Variants in CNTN5 observed in about 807,000 individuals in gnomAD.
CNTN5 encodes contactin-5.
In CNTN5, 77 loss-of-function variants were observed where a neutral mutation model predicts 129.1. That is an observed-to-expected ratio of 0.60 (90% CI 0.50 to 0.72). CNTN5 has a LOEUF of 0.72. Among genes scored for constraint, CNTN5 ranks in the 30% least tolerant of loss-of-function variants. The probability of loss-of-function intolerance (pLI) is 0.00; values close to 1 mark genes in which losing one functional copy is unlikely to be tolerated. For missense variants in CNTN5, 1,478 were observed against 1,328.8 expected (o/e 1.11, Z -1.75); for synonymous variants, 509 against 465.6 (o/e 1.09, Z -1.20).
At chr11:99,485,299 C>A (rs183821849) in intron 2 of CNTN5, among the ~76,000 whole-genome samples, 2 of 151,168 alleles carry the variant, frequency 1.3e-5, no homozygotes, top group East Asian at 3.9e-4. Context: ...GATAAATAGG[C>A]AGAGCACAAA....
chr11:100,153,558 CTATAGAAAAT>C (rs989509238), intron 13 of CNTN5, among the ~76,000 whole-genome samples: 1 of 151,988 alleles, frequency 6.6e-6, no homozygotes, highest in African/African-American at 2.4e-5. Flanking sequence ...TTTCCAAACT[CTATAGAAAAT>C]TATAAAAGCA....
intron 3 of CNTN5, among the ~76,000 whole-genome samples, chr11:99,665,575 T>A (rs1375225566): frequency 4.3e-5 from 6 of 139,020 alleles, no homozygotes; most frequent in African/African-American, 1.6e-4. Flanking sequence ...AACCTCCACC[T>A]CCTGGGTTCA....
At chr11:100,253,062 C>T (rs1004892216) in intron 16 of CNTN5, among the ~76,000 whole-genome samples, 6 of 152,134 alleles carry the variant, frequency 3.9e-5, no homozygotes, top group African/African-American at 1.4e-4. Flanking sequence ...TAGTGGCCAC[C>T]TTACACACAG....
intron 1 of CNTN5, among the ~76,000 whole-genome samples, chr11:99,056,517 C>T (rs1188128922): frequency 1.3e-5 from 2 of 151,892 alleles, no homozygotes; most frequent in Admixed American, 6.6e-5. Context: ...CTGATGCTAC[C>T]CCCAGAACTG....
chr11:99,115,840 G>T (rs1311608910), intron 1 of CNTN5, among the ~76,000 whole-genome samples: 1 of 152,084 alleles, frequency 6.6e-6, no homozygotes, highest in African/African-American at 2.4e-5. Context: ...GAGAAGCAAA[G>T]AAAGGAAGGA....
intron 2 of CNTN5, among the ~76,000 whole-genome samples, chr11:99,489,559 G>T (rs963156522): frequency 2.0e-5 from 3 of 152,168 alleles, no homozygotes; most frequent in African/African-American, 4.8e-5. Context: ...TGACACCTGT[G>T]ATTAATGAAG....
intron 3 of CNTN5, among the ~76,000 whole-genome samples, chr11:99,564,365 G>A (rs1278733776): frequency 2.6e-5 from 4 of 152,060 alleles, no homozygotes; most frequent in Non-Finnish European, 5.9e-5. Context: ...TGGGATTACA[G>A]GCATGAGCCA....
At chr11:99,102,416 C>T (rs569463588) in intron 1 of CNTN5, among the ~76,000 whole-genome samples, 3 of 152,258 alleles carry the variant, frequency 2.0e-5, no homozygotes, top group South Asian at 4.1e-4. Flanking sequence ...CATCATCAGG[C>T]TACAAATTTT....
intron 8 of CNTN5, among the ~76,000 whole-genome samples, chr11:99,979,468 AAGAAGT>A (rs1314593144): frequency 6.6e-6 from 1 of 152,178 alleles, no homozygotes; most frequent in Non-Finnish European, 1.5e-5. Flanking sequence ...GTAAATGAAG[AAGAAGT>A]AGAACATCCC....
At chr11:99,200,177 C>T (rs569771385) in intron 1 of CNTN5, among the ~76,000 whole-genome samples, 1 of 152,286 alleles carries the variant, frequency 6.6e-6, no homozygotes, top group South Asian at 2.1e-4. Context: ...AAAGATCTCT[C>T]ACCACCACCA....
chr11:99,135,973 G>T (rs1859198023), intron 1 of CNTN5, among the ~76,000 whole-genome samples: 2 of 152,104 alleles, frequency 1.3e-5, no homozygotes. Flanking sequence ...TTTAATGCAT[G>T]AATGTAATTA....
At chr11:100,311,065 T>A (rs1348070496) in intron 21 of CNTN5, among the ~76,000 whole-genome samples, 1 of 151,890 alleles carries the variant, frequency 6.6e-6, no homozygotes, top group Non-Finnish European at 1.5e-5. Flanking sequence ...TCTCTCAATC[T>A]GGAAGGTAGA....
intron 7 of CNTN5, among the ~76,000 whole-genome samples, chr11:99,923,753 GTCTGTCTATCTA>G (rs1270066434): frequency 7.0e-4 from 81 of 116,300 alleles, no homozygotes; most frequent in African/African-American, 1.4e-3. Context: ...TAATCTATCT[GTCTGTCTATCTA>G]TCTATCTATC....
intron 16 of CNTN5, among the ~76,000 whole-genome samples, chr11:100,251,705 A>T (rs1949966507): frequency 6.6e-6 from 1 of 152,110 alleles, no homozygotes; most frequent in African/African-American, 2.4e-5. Context: ...TTCACTTAAC[A>T]TAATGTCCTC....
rs528408328 is a variant in CNTN5 at position 100,139,873 on chromosome 11, GA to G, written c.1581-51249del. On this transcript the variant is annotated intron_variant, in intron 13 of 24. Coordinates refer to ENST00000524871, the MANE Select transcript of CNTN5 (RefSeq NM_014361.4). ...TCCAAAAAAAGAAAAAAAGAAGAAA[GA>G]AAATAATAGGTTAATATTTAGAGAA... Among the ~76,000 whole-genome samples the G allele has an allele frequency of 2.5e-4, 38 of 152,094 alleles. No individual in the cohort carries two copies. The East Asian group carries it at 6.6e-3, about 26-fold the overall frequency.
chr11:99,095,862 A>G (rs1234488750), intron 1 of CNTN5, among the ~76,000 whole-genome samples: 1 of 151,848 alleles, frequency 6.6e-6, no homozygotes, highest in Non-Finnish European at 1.5e-5. Flanking sequence ...ACATTGAGAG[A>G]CATGATGTGA....
At chr11:99,348,832 C>G (rs1938090413) in intron 2 of CNTN5, among the ~76,000 whole-genome samples, 1 of 152,194 alleles carries the variant, frequency 6.6e-6, no homozygotes. Context: ...ATATAAAACT[C>G]TCCCCTGCAA....
intron 2 of CNTN5, among the ~76,000 whole-genome samples, chr11:99,534,500 A>C (rs1947830169): frequency 7.0e-6 from 1 of 143,126 alleles, no homozygotes; most frequent in African/African-American, 2.5e-5. Flanking sequence ...ATCAACAAAA[A>C]ATTTGGGCAT....
chr11:99,958,270 A>T (rs1051100297), intron 8 of CNTN5, among the ~76,000 whole-genome samples: 3 of 152,218 alleles, frequency 2.0e-5, no homozygotes, highest in Admixed American at 6.5e-5. Flanking sequence ...ATTAACTGGG[A>T]TATTAAGAAG....
Sources: allele counts gnomAD v4.1 joint callset (sites outside exome capture counted in the v4.1 genomes callset), GRCh38; gene constraint gnomAD v4.1.1; transcripts MANE v1.5; gene names NCBI Gene and HGNC (gene_info 2026-07-23, HGNC 2026-07-21).